Variants in SPRED1 observed in about 807,000 individuals in gnomAD.
SPRED1 encodes the protein sprouty related EVH1 domain containing 1.
In SPRED1, 18 loss-of-function variants were observed where a neutral mutation model predicts 52.3. The ratio of observed to expected loss-of-function variants is 0.34; its 90% CI spans 0.24 to 0.51. SPRED1 has a LOEUF of 0.51. Among genes scored for constraint, SPRED1 ranks in the 20% least tolerant of loss-of-function variants. SPRED1 has a pLI of 0.97. For synonymous variants in SPRED1, 155 were observed against 179.7 expected (o/e 0.86, Z 1.10); for missense variants, 485 against 551.0 (o/e 0.88, Z 1.20).
chr15:38,257,105 T>G (rs1251197714), intron 1 of SPRED1, among the ~76,000 whole-genome samples: 1 of 152,166 alleles, frequency 6.6e-6, no homozygotes, highest in African/African-American at 2.4e-5. Context: ...CTTACAAACT[T>G]TTGTAAATTT....
At chr15:38,328,273 G>A (rs907070732) in intron 4 of SPRED1, among the ~76,000 whole-genome samples, 1 of 152,140 alleles carries the variant, frequency 6.6e-6, no homozygotes, top group Non-Finnish European at 1.5e-5. Context: ...TTAAATAAAT[G>A]TTTTGAAGGC....
rs750421037 is a variant in SPRED1, at chr15:38,339,764, C to G, written c.451C>G (p.Leu151Val). 11 of 1,613,852 alleles carry G rather than the reference C, an allele frequency of 6.8e-6. No homozygotes were observed. Among genetic ancestry groups the G allele is most frequent in the East Asian group, 2.2e-5 (1 of 44,822 alleles). ...AAATGAAGAGGATTCTTCCAGTTCTCTAGTGAAGGATCACCTTTTTCAGCA... is the reference window on the plus strand; with the variant it reads ...AAATGAAGAGGATTCTTCCAGTTCTGTAGTGAAGGATCACCTTTTTCAGCA... ...QANEEDSSSS[L>V]VKDHLFQQET... Residue 151 changes from leucine (L) to valine (V), a missense_variant, in exon 5 of 7, where the codon CTA becomes GTA. Coordinates refer to ENST00000299084, the MANE Select transcript of SPRED1 (RefSeq NM_152594.3).
chr15:38,339,459 C>T (rs895566620), intron 4 of SPRED1, among the ~76,000 whole-genome samples: 10 of 152,094 alleles, frequency 6.6e-5, no homozygotes, highest in African/African-American at 2.4e-4. Flanking sequence ...TTATAATTAG[C>T]TCTTCTACAT....
chr15:38,310,043 T>C (rs982974905), intron 2 of SPRED1, among the ~76,000 whole-genome samples: 5 of 151,990 alleles, frequency 3.3e-5, no homozygotes, highest in African/African-American at 1.2e-4. Flanking sequence ...TCCTCCCATG[T>C]TACTCTTCTT....
chr15:38,259,063 C>A (rs537060640), intron 1 of SPRED1, among the ~76,000 whole-genome samples: 8 of 152,160 alleles, frequency 5.3e-5, no homozygotes. Flanking sequence ...TTATTTTTGA[C>A]ATACTTAAAC....
Position 38,351,911 on chromosome 15 carries a change from A to G in SPRED1, c.*247A>G, listed in dbSNP as rs908220961. The G allele has an allele frequency of 1.7e-5, 10 of 577,008 alleles. No homozygotes were observed. The highest frequency in any genetic ancestry group is 2.8e-5 in the Non-Finnish European group (9 of 326,652). 35.7% of individuals were successfully genotyped at this position (577,008 alleles called of 1,614,324 possible). A position where few individuals can be genotyped will look rare whatever the true frequency, so the allele number is the denominator to read the frequency against. On this transcript the variant is annotated 3_prime_UTR_variant, in exon 7 of 7. Coordinates refer to ENST00000299084, the MANE Select transcript of SPRED1 (RefSeq NM_152594.3). The stretch of plus-strand genomic sequence containing the variant: ...GGAAACCATTTCTGGTTATTTGGCT[A>G]TAAAAAGTCAGCATAAAATATGATC...
At chr15:38,289,591 A>G (rs1307497560) in intron 1 of SPRED1, among the ~76,000 whole-genome samples, 1 of 152,164 alleles carries the variant, frequency 6.6e-6, no homozygotes, top group Non-Finnish European at 1.5e-5. Context: ...ACCTGGGCTA[A>G]TCACATGAGC....
Position 38,354,587 on chromosome 15 carries a change from T to G in SPRED1, c.*2923T>G, listed in dbSNP as rs1888569208. ...TGACAGGGTTCATCACTACTACCAT[T>G]AAAGGGCTATTTATGTGGTGACCAC... On this transcript the variant is annotated 3_prime_UTR_variant, in exon 7 of 7. Transcript: ENST00000299084. 6.6e-6 allele frequency: 1 copy of G among 152,174 alleles called. No homozygotes were observed. 9.4% of individuals were successfully genotyped at this position (152,174 alleles called of 1,614,324 possible).
Position 38,351,968 on chromosome 15 carries a change from G to A in SPRED1, c.*304G>A. The stretch of plus-strand genomic sequence containing the variant: ...AAAGGGATTAATTTTTGGCATTTTT[G>A]TATATTTATGCATTAGGTGATGGGA... On this transcript the variant is annotated 3_prime_UTR_variant, in exon 7 of 7. Transcript: ENST00000299084. 2 of 419,846 alleles carry A rather than the reference G, an allele frequency of 4.8e-6. No individual in the cohort carries two copies. The highest frequency in any genetic ancestry group is 8.6e-6 in the Non-Finnish European group (2 of 231,340). 26.0% of individuals were successfully genotyped at this position (419,846 alleles called of 1,614,324 possible). A position where few individuals can be genotyped will look rare whatever the true frequency, so the allele number is the denominator to read the frequency against.
In SPRED1 at chr15:38,346,588, A is replaced by G. The variant is rs549132060; in HGVS notation, c.583-2834A>G. Among the ~76,000 whole-genome samples, 4 of 152,290 alleles carry G rather than the reference A, an allele frequency of 2.6e-5. No homozygotes were observed. In the South Asian group the frequency reaches 8.3e-4, roughly 32 times the overall value. ...ATCCTAGAGGTAACTATTACCTGGAATTGTATTTGTCTAACATTCTCATGC... is the reference window on the plus strand; with the variant it reads ...ATCCTAGAGGTAACTATTACCTGGAGTTGTATTTGTCTAACATTCTCATGC... On this transcript the variant is annotated intron_variant, in intron 5 of 6. Coordinates refer to ENST00000299084, the MANE Select transcript of SPRED1 (RefSeq NM_152594.3).
At position 38,349,507 on chromosome 15, in the gene SPRED1, T is replaced by C; in HGVS notation, c.668T>C (p.Leu223Pro). Residue 223 changes from leucine (L) to proline (P), a missense_variant, in exon 6 of 7, where the codon CTA becomes CCA. Physicochemically the swap from Leu to Pro is moderately conservative, Grantham distance 98. Transcript: ENST00000299084. ...CAAATATCCAAGGAATGTGGAAGCC[T>C]AAAGTCCCAAAATAGGGTAAGTAAT... is the stretch of plus-strand genomic sequence containing the variant. ...QRQISKECGS[L>P]KSQNRVPLKS... 1 of 1,610,872 alleles carries C rather than the reference T, an allele frequency of 6.2e-7. No homozygotes were observed. The highest frequency in any genetic ancestry group is 8.5e-7 in the Non-Finnish European group (1 of 1,177,450).
Position 38,310,138 on chromosome 15 carries a change from TG to T in SPRED1, c.207+10592del, listed in dbSNP as rs1486086615. ...CTTTGTGTGTGTGTGTGTGTGTGTGTGTGTGTGTGTGTGTGTTTGGAGACGA... is the reference window on the plus strand; with the variant it reads ...CTTTGTGTGTGTGTGTGTGTGTGTGTTGTGTGTGTGTGTGTTTGGAGACGA... On this transcript the variant is annotated intron_variant, in intron 2 of 6. Transcript: ENST00000299084. Among the ~76,000 whole-genome samples the T allele has an allele frequency of 7.0e-5, 9 of 128,604 alleles. 1 individual carries two copies. Among genetic ancestry groups the T allele is most frequent in the Non-Finnish European group, 9.9e-5 (6 of 60,666 alleles). The allele number at this position is 128,604 out of a possible 152,430, so 84.4% of individuals were successfully genotyped here. A position where few individuals can be genotyped will look rare whatever the true frequency, so the allele number is the denominator to read the frequency against.
chr15:38,282,516 A>AT (rs1441419030), intron 1 of SPRED1, among the ~76,000 whole-genome samples: 1 of 152,030 alleles, frequency 6.6e-6, no homozygotes, highest in Non-Finnish European at 1.5e-5. Context: ...CAAAAAAAAA[A>AT]AAAAATTCTT....
chr15:38,288,888 A>G (rs1447214978), intron 1 of SPRED1, among the ~76,000 whole-genome samples: 1 of 152,214 alleles, frequency 6.6e-6, no homozygotes, highest in Non-Finnish European at 1.5e-5. Context: ...CTGCAGTGAT[A>G]TGAGATAAAT....
At chr15:38,344,852 G>C (rs754875281) in intron 5 of SPRED1, among the ~76,000 whole-genome samples, 6 of 152,098 alleles carry the variant, frequency 3.9e-5, no homozygotes, top group Non-Finnish European at 7.4e-5. Flanking sequence ...AGAAACAAGG[G>C]TTATATTATA....
chr15:38,285,072 C>T (rs541797035), intron 1 of SPRED1, among the ~76,000 whole-genome samples: 1 of 151,702 alleles, frequency 6.6e-6, no homozygotes, highest in Admixed American at 6.6e-5. Flanking sequence ...TTTTTTTGCT[C>T]CCAGCTCCTC....
At chr15:38,337,078 C>G (rs920163228) in intron 4 of SPRED1, among the ~76,000 whole-genome samples, 2 of 152,092 alleles carry the variant, frequency 1.3e-5, no homozygotes, top group African/African-American at 4.8e-5. Flanking sequence ...GCTTTTGGTA[C>G]ATTTTATTAA....
chr15:38,313,368 C>A (rs931969162), intron 2 of SPRED1, among the ~76,000 whole-genome samples: 3 of 151,898 alleles, frequency 2.0e-5, no homozygotes, highest in African/African-American at 7.2e-5. Flanking sequence ...GAATACTGGG[C>A]AGTTATTTTA....
At chr15:38,324,881 C>A in intron 4 of SPRED1, 72 bp downstream of exon 4, 1 of 1,198,450 alleles carries the variant, frequency 8.3e-7, no homozygotes, top group Non-Finnish European at 1.2e-6. Flanking sequence ...ATTCAATAAA[C>A]TTATCAATTA....
Sources: allele counts gnomAD v4.1 joint callset (sites outside exome capture counted in the v4.1 genomes callset), GRCh38; gene constraint gnomAD v4.1.1; transcripts MANE v1.5; gene names NCBI Gene and HGNC (gene_info 2026-07-23, HGNC 2026-07-21).